QARS1: variants seen among roughly 807,000 people sequenced by gnomAD.
QARS1 encodes the protein glutaminyl-tRNA synthetase 1, also known as glutamine--tRNA ligase.
In QARS1, 79 loss-of-function variants were observed where a neutral mutation model predicts 106.9. The observed-to-expected ratio is 0.74, with a 90% confidence interval of 0.62 to 0.89. The LOEUF is 0.89. Among genes scored for constraint, QARS1 ranks in the 40% least tolerant of loss-of-function variants. QARS1 has a pLI of 0.00. For synonymous variants in QARS1, 395 were observed against 367.7 expected (o/e 1.07, Z -0.85); for missense variants, 966 against 997.2 (o/e 0.97, Z 0.42).
rs1352173321 is a variant in QARS1, at chr3:49,099,991, T to C, written c.1265A>G (p.Tyr422Cys). ...GTCCCCTGTGCGGTGGTGTGGTGTA[T>C]ACTTGACTCGATAGGCTACAGGGTC... Reference protein sequence around the residue: ...KMDPVAYRVKYTPHHRTGDKW... With the variant: ...KMDPVAYRVKCTPHHRTGDKW... Residue 422 changes from tyrosine to cysteine, a missense_variant, in exon 14 of 24, where the codon TAT becomes TGT. Physicochemically the swap from Tyr to Cys is radical, Grantham distance 194. Coordinates refer to ENST00000306125, the MANE Select transcript of QARS1 (RefSeq NM_005051.3). 2 of 1,614,024 alleles carry C rather than the reference T, an allele frequency of 1.2e-6. No individual in the cohort carries two copies. Among genetic ancestry groups the C allele is most frequent in the Admixed American group, 1.7e-5 (1 of 60,002 alleles).
rs1248234116 is a variant in QARS1, at chr3:49,101,834, T to G, written c.697A>C (p.Lys233Gln). ...QLRGEALKFH[K>Q]PGENYKTPGY... ...TTTTGACATGCCCACTAACCAGGCT[T>G]GTGGAACTTAAGGGCCTCCCCCCGG... Residue 233 changes from lysine to glutamine, a missense_variant, in exon 8 of 24, where the codon AAG (lysine) becomes CAG (glutamine). Transcript: ENST00000306125. 6.2e-6 allele frequency: 10 copies of G among 1,612,236 alleles called. No individual in the cohort carries two copies. The Admixed American group carries it at 1.0e-4, about 16-fold the overall frequency.
chr3:49,099,611 G>A lies in QARS1; in HGVS notation c.1425C>T (p.Asp475=), dbSNP rs1441224734. ...ACTCCCACTGCACAGGGCAATAGAC[G>A]TCCAGTGCATTGCAAAGCCAGAAGT... is the stretch of plus-strand genomic sequence containing the variant. ...SSYFWLCNAL[D]VYCPVQWEYG... The change falls in exon 16 of 24, where the codon GAC becomes GAT. Residue 475 remains aspartate (D), a synonymous_variant. Coordinates refer to ENST00000306125, the MANE Select transcript of QARS1 (RefSeq NM_005051.3). 8 of 1,614,132 alleles carry A rather than the reference G, an allele frequency of 5.0e-6. No individual in the cohort carries two copies. The highest frequency in any genetic ancestry group is 3.3e-5 in the South Asian group (3 of 91,084).
intron 10 of QARS1, 193 bp from the exon 11 acceptor site, chr3:49,100,867 C>T (rs181555616): frequency 5.7e-5 from 39 of 685,428 alleles, no homozygotes; most frequent in Admixed American, 4.9e-4. Context: ...CTCAGCTTCC[C>T]AGTAGCTGAA....
At position 49,100,055 on chromosome 3, in the gene QARS1, T is replaced by C; in HGVS notation, c.1201A>G (p.Thr401Ala). The change falls in exon 14 of 24, where the codon ACA (threonine) becomes GCA (alanine). Residue 401 changes from threonine (T) to alanine (A), a missense_variant. Thr to Ala is a moderately conservative substitution (Grantham distance 58, BLOSUM62 0). Transcript: ENST00000306125. ...TCCATCACCAGCTTCATCCGTAGTG[T>C]GGCCTCGCCCTCTGAAAACTTGCCC... ...RKGKFSEGEA[T>A]LRMKLVMEDG... 6.2e-7 allele frequency: 1 copy of C among 1,614,216 alleles called. No homozygotes were observed. Among genetic ancestry groups the C allele is most frequent in the Non-Finnish European group, 8.5e-7 (1 of 1,180,028 alleles).
rs1440187290 is a variant in QARS1 at position 49,101,695 on chromosome 3, G to A, written c.714C>T (p.Tyr238=). The A allele has an allele frequency of 2.5e-6, 4 of 1,614,108 alleles. No individual in the cohort carries two copies. Among genetic ancestry groups the A allele is most frequent in the Non-Finnish European group, 3.4e-6 (4 of 1,180,018 alleles). The change falls in exon 9 of 24, where the codon TAC becomes TAT. Residue 238 remains tyrosine, a synonymous_variant. Transcript: ENST00000306125. The part of the protein sequence containing the change: ...ALKFHKPGEN[Y]KTPGYVVTPH... ...GAGTGACCACATAGCCTGGGGTCTTGTAGTTCTCACCTGCCAGGACCAGAA... is the reference window on the plus strand; with the variant it reads ...GAGTGACCACATAGCCTGGGGTCTTATAGTTCTCACCTGCCAGGACCAGAA...
chr3:49,103,826 GA>G lies in QARS1; in HGVS notation c.375+36del, dbSNP rs2042502717. On this transcript the variant is annotated intron_variant, in intron 3 of 23. Coordinates refer to ENST00000306125, the MANE Select transcript of QARS1 (RefSeq NM_005051.3). ...CTGAGCCACTCCTTTCCATGGCCAGGACTGGGGAGGCAGACGATGCCTGGGG... is the reference window on the plus strand; with the variant it reads ...CTGAGCCACTCCTTTCCATGGCCAGGCTGGGGAGGCAGACGATGCCTGGGG... 4 of 1,605,976 alleles carry G rather than the reference GA, an allele frequency of 2.5e-6. No individual in the cohort carries two copies. In the South Asian group the frequency reaches 4.4e-5, roughly 18 times the overall value.
chr3:49,099,373 G>A lies in QARS1; in HGVS notation c.1585C>T (p.Pro529Ser), dbSNP rs373719958. Residue 529 changes from proline (P) to serine (S), a missense_variant, in exon 17 of 24, where the codon CCT (proline) becomes TCT (serine). By Grantham distance (74) the Pro-to-Ser change is moderately conservative (BLOSUM62 -1). Coordinates refer to ENST00000306125, the MANE Select transcript of QARS1 (RefSeq NM_005051.3). ...LTALRRRGFP[P>S]EAINNFCARV... ...GCACAGAAGTTGTTGATGGCCTCAG[G>A]TGGGAAGCCCCGCCGTCGCAGGGCC... The A allele has an allele frequency of 8.9e-5, 144 of 1,614,032 alleles. No individual in the cohort carries two copies. Among genetic ancestry groups the A allele is most frequent in the Non-Finnish European group, 1.1e-4 (135 of 1,179,996 alleles).
At chr3:49,100,537 C>T (rs761569472) in intron 11 of QARS1, 38 bp downstream of exon 11, 1 of 1,592,608 alleles carries the variant, frequency 6.3e-7, no homozygotes, top group Admixed American at 1.7e-5. Context: ...GAGAGGCCCA[C>T]TAACCACCAG....
In QARS1 at chr3:49,099,211, G is replaced by A; in HGVS notation, c.1657C>T (p.Leu553=). Residue 553 remains leucine, a synonymous_variant, in exon 18 of 24, where the codon CTA becomes TTA. Coordinates refer to ENST00000306125, the MANE Select transcript of QARS1 (RefSeq NM_005051.3). ...VAQTTMEPHL[L]EACVRDVLND... ...AGCACATCACGCACACAGGCTTCTA[G>A]AAGATGTGGCTCCATTGTGGTTTGT... 6.2e-7 allele frequency: 1 copy of A among 1,614,202 alleles called. No individual in the cohort carries two copies. Among genetic ancestry groups the A allele is most frequent in the East Asian group, 2.2e-5 (1 of 44,882 alleles).
chr3:49,100,484 A>G, intron 11 of QARS1, 26 bp from the exon 12 acceptor site: 1 of 1,611,624 alleles, frequency 6.2e-7, no homozygotes, highest in Admixed American at 1.7e-5. Context: ...ACAAAGTATG[A>G]GCAGCCAGCC....
rs201032950 is a variant in QARS1, at chr3:49,103,400, C to T, written c.461G>A (p.Arg154Gln). 270 of 1,614,050 alleles carry T rather than the reference C, an allele frequency of 1.7e-4. No individual in the cohort carries two copies. The highest frequency in any genetic ancestry group is 2.2e-4 in the Non-Finnish European group (254 of 1,180,032). The change falls in exon 5 of 24, where the codon CGG (arginine) becomes CAG (glutamine). Residue 154 changes from arginine (R) to glutamine (Q), a missense_variant. Physicochemically the swap from Arg to Gln is conservative, Grantham distance 43. Transcript: ENST00000306125. The stretch of plus-strand genomic sequence containing the variant: ...GCCATCTGCCCACTTCAGCACAGCC[C>T]GAGCCTCTCCTAGAAGCATAGGCAC... ...FNMGLLMGEARAVLKWADGKM... is the reference protein window; with the variant it reads ...FNMGLLMGEAQAVLKWADGKM...
intron 2 of QARS1, 62 bp from the exon 3 acceptor site, chr3:49,104,034 C>T (rs1240290677): frequency 2.8e-6 from 4 of 1,449,782 alleles, no homozygotes; most frequent in African/African-American, 2.8e-5. Flanking sequence ...CAGACAGGGT[C>T]CTAATCTCAT....
chr3:49,101,886 G>A lies in QARS1; in HGVS notation c.645C>T (p.Asp215=). The change falls in exon 8 of 24, where the codon GAC becomes GAT. Residue 215 remains aspartate (D), a synonymous_variant. Transcript: ENST00000306125. ...GCTGCTCCATCAGAGACAGGGTCTG[G>A]TCAGCAGTCTCGCCTGTGGGGAACA... ...KDVVENGETA[D]QTLSLMEQLR... 1 of 1,611,760 alleles carries A rather than the reference G, an allele frequency of 6.2e-7. No homozygotes were observed. The highest frequency in any genetic ancestry group is 1.1e-5 in the South Asian group (1 of 90,764).
At chr3:49,102,652 G>T (rs1035209401) in intron 5 of QARS1, 180 bp from the exon 6 acceptor site, 1 of 678,118 alleles carries the variant, frequency 1.5e-6, no homozygotes, top group African/African-American at 1.8e-5. Context: ...TCTTGCTCTT[G>T]TTGCCCAGAC....
chr3:49,098,937 T>C lies in QARS1; in HGVS notation c.1811A>G (p.His604Arg). 1 of 1,614,138 alleles carries C rather than the reference T, an allele frequency of 6.2e-7. No homozygotes were observed. Among genetic ancestry groups the C allele is most frequent in the South Asian group, 1.1e-5 (1 of 91,080 alleles). ...GACAATGGGTGCAAAGGGAACCTGA[T>C]GGAAGCCTTTGGTCTCATCAGCTGG... ...NFPADETKGF[H>R]QVPFAPIVFI... The change falls in exon 19 of 24, where the codon CAT (histidine) becomes CGT (arginine). Residue 604 changes from histidine to arginine, a missense_variant. Physicochemically the swap from His to Arg is conservative, Grantham distance 29. Transcript: ENST00000306125.
chr3:49,103,745 T>G, intron 3 of QARS1, 39 bp from the exon 4 acceptor site: 1 of 1,608,540 alleles, frequency 6.2e-7, no homozygotes, highest in Non-Finnish European at 8.5e-7. Context: ...GAAAGCCACC[T>G]TTAGAGATAT....
In QARS1 at chr3:49,098,356, C is replaced by T. The variant is rs772994973; in HGVS notation, c.2081G>A (p.Arg694Gln). ...CACCCCAGCTCTGTTCACTCACAGT[C>T]GCTCATAGAGGCGAACCTCACACAT... ...PLMCEVRLYE[R>Q]LFQHKNPEDP... is the part of the protein sequence containing the mutation. Residue 694 changes from arginine (R) to glutamine (Q), a missense_variant, in exon 21 of 24, where the codon CGA becomes CAA. Arg to Gln is a conservative substitution (Grantham distance 43). Transcript: ENST00000306125. 5.6e-6 allele frequency: 9 copies of T among 1,614,192 alleles called. No homozygotes were observed. The highest frequency in any genetic ancestry group is 1.6e-4 in the Middle Eastern group (1 of 6,062).
Position 49,099,233 on chromosome 3 carries a change from T to C in QARS1, c.1635A>G (p.Gln545=), listed in dbSNP as rs113144521. The change falls in exon 18 of 24, where the codon CAA becomes CAG. Residue 545 remains glutamine, a synonymous_variant. Coordinates refer to ENST00000306125, the MANE Select transcript of QARS1 (RefSeq NM_005051.3). ...CTAGAAGATGTGGCTCCATTGTGGTTTGTGCCACAGTCACTCCCACCTGGC... is the reference window on the plus strand; with the variant it reads ...CTAGAAGATGTGGCTCCATTGTGGTCTGTGCCACAGTCACTCCCACCTGGC... ...FCARVGVTVA[Q]TTMEPHLLEA... is the part of the protein sequence containing the mutation. The C allele has an allele frequency of 1.3e-3, 2,088 of 1,614,086 alleles. 26 individuals are homozygous for C. The African/African-American group carries it at 0.023, about 18-fold the overall frequency.
chr3:49,103,462 C>A (rs929842668), intron 4 of QARS1, 53 bp from the exon 5 acceptor site: 98 of 1,604,106 alleles, frequency 6.1e-5, no homozygotes, highest in South Asian at 2.2e-5. Context: ...GTACTCCCCC[C>A]ACCTCTTTCC....
Sources: gnomAD v4.1 joint callset for allele counts on GRCh38, gnomAD v4.1.1 for gene constraint, MANE v1.5 for transcripts, NCBI Gene and HGNC (gene_info 2026-07-23, HGNC 2026-07-21) for gene names.